ABHD2: variants seen among roughly 807,000 people sequenced by gnomAD.
ABHD2 encodes abhydrolase domain containing 2, acylglycerol lipase, also known as monoacylglycerol lipase ABHD2.
ABHD2 carries 20 observed loss-of-function variants against 48.1 expected under a neutral mutation model. The observed-to-expected ratio is 0.42, with a 90% confidence interval of 0.29 to 0.60. The LOEUF (loss-of-function observed/expected upper bound fraction) is 0.60, where lower values mean the gene tolerates loss of function less well. Among genes scored for constraint, ABHD2 ranks in the 20% least tolerant of loss-of-function variants. ABHD2 has a pLI of 0.24. For synonymous variants in ABHD2, 209 were observed against 214.2 expected (o/e 0.98, Z 0.21); for missense variants, 405 against 550.9 (o/e 0.74, Z 2.65).
At chr15:89,159,838 T>G (rs1429956424) in intron 5 of ABHD2, among the ~76,000 whole-genome samples, 6 of 152,202 alleles carry the variant, frequency 3.9e-5, no homozygotes, top group Non-Finnish European at 8.8e-5. Flanking sequence ...TTATTATACT[T>G]TAGAAATGTT....
rs931151994 is a variant in ABHD2, at chr15:89,177,549, C to T, written c.722+1554C>T. 3.9e-5 allele frequency among the ~76,000 whole-genome samples: 6 copies of T among 152,140 alleles called. No homozygotes were observed. Among genetic ancestry groups the T allele is most frequent in the Non-Finnish European group, 4.4e-5 (3 of 68,016 alleles). ...CATAGGCGAGTTTTCAGTTTAGTTACGTTTAGCAGTCCCCGGGGTTAGTGA... is the reference window on the plus strand; with the variant it reads ...CATAGGCGAGTTTTCAGTTTAGTTATGTTTAGCAGTCCCCGGGGTTAGTGA... On this transcript the variant is annotated intron_variant, in intron 6 of 10. Coordinates refer to ENST00000352732, the MANE Select transcript of ABHD2 (RefSeq NM_152924.5). The surrounding 1 kb of genome is among the most constrained non-coding windows in gnomAD (Gnocchi z 5.6).
the ABHD2 span, among the ~76,000 whole-genome samples, chr15:89,053,192 T>C: frequency 6.6e-6 from 1 of 151,978 alleles, no homozygotes; most frequent in Non-Finnish European, 1.5e-5. Context: ...GGTCTCAATC[T>C]CCTGACCTTG....
In ABHD2 at chr15:89,193,279, G is replaced by A. The variant is rs1359254309; in HGVS notation, c.1041G>A (p.Leu347=). 6.2e-7 allele frequency: 1 copy of A among 1,614,184 alleles called. No homozygotes were observed. The highest frequency in any genetic ancestry group is 8.5e-7 in the Non-Finnish European group (1 of 1,180,032). The change falls in exon 10 of 11, where the codon TTG becomes TTA. Residue 347 remains leucine (L), a synonymous_variant. Transcript: ENST00000352732. The stretch of plus-strand genomic sequence containing the variant: ...TGGTTAATGCAGCTGACGATCCGTT[G>A]GTGCATGAAAGTCTTCTAACCATTC... The part of the protein sequence containing the change: ...LMLVNAADDP[L]VHESLLTIPK...
At position 89,166,295 on chromosome 15, in the gene ABHD2, C is replaced by T. The variant is rs1381720801; in HGVS notation, c.539-9517C>T. ...GGGCATTTGGCATTGAAAATGGCCT[C>T]GAATATTTAAATTGCTTTTTTCCTG... On this transcript the variant is annotated intron_variant, in intron 5 of 10. Coordinates refer to ENST00000352732, the MANE Select transcript of ABHD2 (RefSeq NM_152924.5). This position sits in a 1 kb window ranked among gnomAD's most constrained non-coding sequence, Gnocchi z 4.6. Among the ~76,000 whole-genome samples the T allele has an allele frequency of 2.6e-5, 4 of 152,064 alleles. No individual in the cohort carries two copies. The highest frequency in any genetic ancestry group is 2.6e-4 in the Admixed American group (4 of 15,274).
intron 1 of ABHD2, among the ~76,000 whole-genome samples, chr15:89,112,178 G>A (rs1005452865): frequency 1.3e-5 from 2 of 152,120 alleles, no homozygotes; most frequent in African/African-American, 4.8e-5. Context: ...CTGAAGCGGG[G>A]CAGCCCTGCT....
the ABHD2 span, among the ~76,000 whole-genome samples, chr15:89,054,510 A>G: frequency 6.7e-6 from 1 of 149,784 alleles, no homozygotes; most frequent in Non-Finnish European, 1.5e-5. Flanking sequence ...ATGAAACCCC[A>G]TCTCTACTAA....
At chr15:89,147,713 C>A (rs928229597) in intron 3 of ABHD2, among the ~76,000 whole-genome samples, 9 of 151,976 alleles carry the variant, frequency 5.9e-5, no homozygotes, top group Admixed American at 1.3e-4. Context: ...ACAACAAAAT[C>A]TATTGTATAT....
chr15:89,056,907 CCTT>C, the ABHD2 span, among the ~76,000 whole-genome samples: 1,574 of 118,994 alleles, frequency 0.013, 35 homozygotes, highest in African/African-American at 0.041. Context: ...ATAAGTGATA[CCTT>C]TTTTTTTTTT....
chr15:89,148,717 G>T lies in ABHD2; in HGVS notation c.195-2960G>T, dbSNP rs569868602. Reference sequence around the variant, plus strand: ...TTCTGTAAGCCCAGAGAAGCCACAGGCCAGTCCAGATCACAAGGAGGGAAT... The same window carrying T: ...TTCTGTAAGCCCAGAGAAGCCACAGTCCAGTCCAGATCACAAGGAGGGAAT... On this transcript the variant is annotated intron_variant, in intron 3 of 10. Transcript: ENST00000352732. Among the ~76,000 whole-genome samples the T allele has an allele frequency of 2.0e-5, 3 of 152,310 alleles. No homozygotes were observed. The South Asian group carries it at 6.2e-4, about 32-fold the overall frequency.
the ABHD2 span, among the ~76,000 whole-genome samples, chr15:89,067,307 G>C: frequency 6.6e-6 from 1 of 152,214 alleles, no homozygotes; most frequent in African/African-American, 2.4e-5. Flanking sequence ...AACTGTGACA[G>C]TTTAGCATTT....
At chr15:89,178,441 C>T (rs866840902) in intron 6 of ABHD2, among the ~76,000 whole-genome samples, 6 of 152,240 alleles carry the variant, frequency 3.9e-5, no homozygotes, top group Non-Finnish European at 7.3e-5. Flanking sequence ...GGAGGCCCGT[C>T]TGCCTCTGCA....
At chr15:89,127,493 A>G (rs2050147421) in intron 3 of ABHD2, among the ~76,000 whole-genome samples, 1 of 151,846 alleles carries the variant, frequency 6.6e-6, no homozygotes, top group Admixed American at 6.6e-5. Flanking sequence ...TTCCTGTGAT[A>G]TGTAGCACCA....
the ABHD2 span, among the ~76,000 whole-genome samples, chr15:89,042,957 G>A: frequency 0.25 from 38,551 of 151,916 alleles, 5,036 homozygotes; most frequent in African/African-American, 0.3. Flanking sequence ...CATAAGCCAC[G>A]GCGCCCGGCC....
At chr15:89,178,457 C>T (rs1451891611) in intron 6 of ABHD2, among the ~76,000 whole-genome samples, 1 of 152,200 alleles carries the variant, frequency 6.6e-6, no homozygotes, top group African/African-American at 2.4e-5. Context: ...CTGCAGGGGC[C>T]ACACGAGAGT....
At chr15:89,052,544 CAGACAGACAG>C in the ABHD2 span, among the ~76,000 whole-genome samples, 9 of 143,736 alleles carry the variant, frequency 6.3e-5, no homozygotes, top group African/African-American at 1.9e-4. Context: ...GACAGACAGA[CAGACAGACAG>C]ACAGACACAC....
intron 3 of ABHD2, among the ~76,000 whole-genome samples, chr15:89,123,607 T>C (rs2050086909): frequency 7.0e-6 from 1 of 143,202 alleles, no homozygotes; most frequent in Admixed American, 6.9e-5. Flanking sequence ...TTTTTTTTTT[T>C]TTTTTTTTGA....
chr15:89,163,173 C>CTGT, intron 5 of ABHD2, among the ~76,000 whole-genome samples: 1 of 152,262 alleles, frequency 6.6e-6, no homozygotes, highest in South Asian at 2.1e-4. Flanking sequence ...TCTTCTTTTG[C>CTGT]TGTTATGCAC....
chr15:89,103,467 A>T (rs1361651349), intron 1 of ABHD2, among the ~76,000 whole-genome samples: 1 of 152,146 alleles, frequency 6.6e-6, no homozygotes, highest in African/African-American at 2.4e-5. Context: ...TAATTCACCC[A>T]AGGTCACTTG....
At chr15:89,048,455 A>T in the ABHD2 span, among the ~76,000 whole-genome samples, 1 of 151,572 alleles carries the variant, frequency 6.6e-6, no homozygotes, top group Non-Finnish European at 1.5e-5. Context: ...GCCTTGCTAG[A>T]TTGGGGAAGT....
Sources: gnomAD v4.1 joint callset for allele counts (sites outside exome capture counted in the v4.1 genomes callset) on GRCh38, gnomAD v4.1.1 for gene constraint, Gnocchi (gnomAD v3.1) non-coding constraint, MANE v1.5 for transcripts, NCBI Gene and HGNC (gene_info 2026-07-23, HGNC 2026-07-21) for gene names.